SIN3B: variants seen among roughly 807,000 people sequenced by gnomAD.
The protein encoded by SIN3B is SIN3 transcription regulator family member B.
A neutral mutation model predicts 120.2 loss-of-function variants in SIN3B; 19 were observed. That is an observed-to-expected ratio of 0.16 (90% CI 0.11 to 0.23). The LOEUF (loss-of-function observed/expected upper bound fraction) is 0.23, where lower values mean the gene tolerates loss of function less well. Ranked by LOEUF, SIN3B falls within the 10% of genes least tolerant of loss-of-function variation. The pLI is 1.00. For missense variants in SIN3B, 1,073 were observed against 1,573.0 expected (o/e 0.68, Z 5.38); for synonymous variants, 654 against 653.2 (o/e 1.00, Z -0.02).
At chr19:16,840,547 C>T (rs1245650770) in intron 3 of SIN3B, among the ~76,000 whole-genome samples, 4 of 152,232 alleles carry the variant, frequency 2.6e-5, no homozygotes, top group Non-Finnish European at 4.4e-5. Context: ...ACCCCACTGA[C>T]GGTGCCTGTG....
chr19:16,871,043 C>T (rs779173068), intron 13 of SIN3B, among the ~76,000 whole-genome samples, 186 bp from the exon 14 acceptor site: 11 of 152,338 alleles, frequency 7.2e-5, no homozygotes, highest in Middle Eastern at 3.4e-3. Context: ...TAGGCAGCCT[C>T]GGAGGGTGGC....
At chr19:16,842,470 A>G (rs983257789) in intron 4 of SIN3B, among the ~76,000 whole-genome samples, 1 of 141,908 alleles carries the variant, frequency 7.0e-6, no homozygotes, top group Non-Finnish European at 1.5e-5. Flanking sequence ...GCAGTGGTGT[A>G]ATAATAGCTC....
chr19:16,843,871 G>C (rs998064178), intron 4 of SIN3B, among the ~76,000 whole-genome samples: 9 of 151,418 alleles, frequency 5.9e-5, no homozygotes, highest in African/African-American at 2.2e-4. Context: ...ATTTTTTTGA[G>C]ACTGGGTCTC....
chr19:16,844,731 C>T (rs1035072757), intron 4 of SIN3B, among the ~76,000 whole-genome samples: 1 of 152,340 alleles, frequency 6.6e-6, no homozygotes, highest in East Asian at 1.9e-4. Flanking sequence ...CGCCGTTACG[C>T]GCATATTAAG....
chr19:16,850,650 G>A (rs1971532612), intron 5 of SIN3B, among the ~76,000 whole-genome samples: 1 of 152,142 alleles, frequency 6.6e-6, no homozygotes, highest in Admixed American at 6.5e-5. Context: ...GGAGGTGACC[G>A]CAGTGGCACA....
intron 4 of SIN3B, among the ~76,000 whole-genome samples, chr19:16,842,351 C>T (rs1222816756): frequency 1.3e-5 from 2 of 151,634 alleles, no homozygotes; most frequent in African/African-American, 4.8e-5. Flanking sequence ...GACCCATCCA[C>T]CTCAGCCTCC....
At chr19:16,830,700 G>A (rs1204198448) in intron 2 of SIN3B, among the ~76,000 whole-genome samples, 1 of 152,178 alleles carries the variant, frequency 6.6e-6, no homozygotes, top group Non-Finnish European at 1.5e-5. Context: ...CAGCCAGAAG[G>A]GAGACCCCAT....
At chr19:16,830,940 G>T (rs965829690) in intron 2 of SIN3B, among the ~76,000 whole-genome samples, 1 of 152,300 alleles carries the variant, frequency 6.6e-6, no homozygotes, top group East Asian at 1.9e-4. Context: ...ACCCATTCTT[G>T]GAGTGTTTTA....
intron 3 of SIN3B, among the ~76,000 whole-genome samples, chr19:16,840,745 C>T (rs764526617): frequency 1.3e-5 from 2 of 152,216 alleles, no homozygotes; most frequent in African/African-American, 2.4e-5. Flanking sequence ...GTGAAGCTCA[C>T]TCTGTTTCTC....
At position 16,876,730 on chromosome 19, in the gene SIN3B, T is replaced by C; in HGVS notation, c.2859+152T>C. ...TCTCCTTGAGGCCTGGTGGGTGGGG[T>C]TGCCTCCCTCCCTGCTCCCCCACCA... On this transcript the variant is annotated intron_variant, in intron 16 of 18. Transcript: ENST00000248054. This position sits in a 1 kb window ranked among gnomAD's most constrained non-coding sequence, Gnocchi z 7.1. 1 of 610,512 alleles carries C rather than the reference T, an allele frequency of 1.6e-6. No homozygotes were observed. The highest frequency in any genetic ancestry group is 2.1e-5 in the South Asian group (1 of 48,770). The allele number at this position is 610,512 out of a possible 1,614,324, so 37.8% of individuals were successfully genotyped here.
chr19:16,875,020 GTC>G, intron 14 of SIN3B, among the ~76,000 whole-genome samples: 1 of 151,086 alleles, frequency 6.6e-6, no homozygotes, highest in African/African-American at 2.4e-5. Flanking sequence ...TTTTGGTTTG[GTC>G]TGGTTTGGTC....
intron 3 of SIN3B, among the ~76,000 whole-genome samples, chr19:16,839,591 G>C (rs1971391378): frequency 6.6e-6 from 1 of 152,100 alleles, no homozygotes; most frequent in Non-Finnish European, 1.5e-5. Context: ...GCTCCATGCT[G>C]CTTCCCTACA....
intron 3 of SIN3B, among the ~76,000 whole-genome samples, chr19:16,834,922 C>CTTTTTTTTT (rs541788015): frequency 7.1e-6 from 1 of 140,652 alleles, no homozygotes; most frequent in Non-Finnish European, 1.6e-5. Context: ...TCTTTTCTTT[C>CTTTTTTTTT]TTTTTTTTTT....
Position 16,878,217 on chromosome 19 carries a change from G to T in SIN3B, c.2989G>T (p.Glu997Ter). ...LKKFRRRWQSEQARALRGEAR... is the reference protein window; with the variant it reads ...LKKFRRRWQS The stretch of plus-strand genomic sequence containing the variant: ...GAAGTTCCGCCGCCGGTGGCAGAGC[G>T]AGCAGGCGCGGGCCCTGCGCGGTGA... Residue 997 changes from glutamate to a stop codon, truncating the protein, a stop_gained, in exon 18 of 19, where the codon GAG becomes TAG. Coordinates refer to ENST00000248054, the MANE Select transcript of SIN3B (RefSeq NM_001297595.2). LOFTEE classifies it high-confidence loss of function. 6.3e-7 allele frequency: 1 copy of T among 1,590,704 alleles called. No homozygotes were observed. Among genetic ancestry groups the T allele is most frequent in the East Asian group, 2.3e-5 (1 of 43,866 alleles).
intron 7 of SIN3B, among the ~76,000 whole-genome samples, chr19:16,853,569 G>T (rs914308884): frequency 6.6e-6 from 1 of 151,912 alleles, no homozygotes; most frequent in Non-Finnish European, 1.5e-5. Flanking sequence ...CATGGATCAC[G>T]TGCACGGGCT....
chr19:16,851,596 C>G (rs779791136), intron 6 of SIN3B, 62 bp downstream of exon 6: 82 of 1,509,418 alleles, frequency 5.4e-5, no homozygotes, highest in Non-Finnish European at 2.9e-5. Flanking sequence ...CGGGCCTTCC[C>G]AGCATGTGAC....
chr19:16,871,635 C>G, intron 14 of SIN3B: 1 of 481,038 alleles, frequency 2.1e-6, no homozygotes, highest in Non-Finnish European at 3.7e-6. Context: ...CAGAACATTT[C>G]ATCTTTCCAA....
chr19:16,863,159 C>G (rs989526762), intron 9 of SIN3B: 4 of 576,056 alleles, frequency 6.9e-6, no homozygotes, highest in Non-Finnish European at 1.2e-5. Context: ...TGCTGTCTGA[C>G]CCTTTGCAGA....
Position 16,878,607 on chromosome 19 carries a change from G to A in SIN3B, c.3273G>A (p.Leu1091=), listed in dbSNP as rs748088430. The A allele has an allele frequency of 1.9e-6, 3 of 1,612,866 alleles. No homozygotes were observed. Among genetic ancestry groups the A allele is most frequent in the East Asian group, 4.5e-5 (2 of 44,818 alleles). Residue 1091 remains leucine (L), a synonymous_variant, in exon 19 of 19, where the codon CTG becomes CTA. Transcript: ENST00000248054. ...CGGCTAGCCTGGTGCAGGACTGGCT[G>A]ATGGGTGAGGAGGACGAGGACATGG... is the stretch of plus-strand genomic sequence containing the variant. ...VEAASLVQDW[L]MGEEDEDMVP... is the part of the protein sequence containing the mutation.
Sources: allele counts gnomAD v4.1 joint callset (sites outside exome capture counted in the v4.1 genomes callset), GRCh38; gene constraint gnomAD v4.1.1; non-coding constraint Gnocchi (gnomAD v3.1); transcripts MANE v1.5; gene names NCBI Gene and HGNC (gene_info 2026-07-23, HGNC 2026-07-21).